CPLANE1: variants seen among roughly 807,000 people sequenced by gnomAD.
CPLANE1 encodes ciliogenesis and planar polarity effector complex subunit 1.
CPLANE1 carries 263 observed loss-of-function variants against 362.5 expected under a neutral mutation model. The observed-to-expected ratio is 0.73, with a 90% CI of 0.66 to 0.80. CPLANE1 has a LOEUF of 0.80. Among genes scored for constraint, CPLANE1 ranks in the 30% least tolerant of loss-of-function variants. CPLANE1 has a pLI of 0.00. For synonymous variants in CPLANE1, 1,212 were observed against 1,302.6 expected, an observed-to-expected ratio of 0.93 and a Z score of 1.50; for missense variants, 3,461 against 3,793.4, an observed-to-expected ratio of 0.91 and a Z score of 2.30.
chr5:37,160,247 T>C (rs1474583689), intron 38 of CPLANE1, among the ~76,000 whole-genome samples: 1 of 152,174 alleles, frequency 6.6e-6, no homozygotes, highest in Non-Finnish European at 1.5e-5. Flanking sequence ...CATGCTTAGA[T>C]AATGAACATT....
chr5:37,148,887 C>T (rs1043887876), intron 42 of CPLANE1, among the ~76,000 whole-genome samples: 3 of 151,980 alleles, frequency 2.0e-5, no homozygotes, highest in African/African-American at 7.2e-5. Context: ...CCCGTCTCTA[C>T]TAAAAATACA....
At chr5:37,213,838 C>G in intron 15 of CPLANE1, 106 bp from the exon 16 acceptor site, 1 of 838,810 alleles carries the variant, frequency 1.2e-6, no homozygotes, top group East Asian at 2.9e-5. Context: ...ACCTTTTTTT[C>G]TGAGATAAGC....
At chr5:37,123,913 A>C (rs950067907) in intron 47 of CPLANE1, among the ~76,000 whole-genome samples, 1 of 148,228 alleles carries the variant, frequency 6.7e-6, no homozygotes, top group Admixed American at 6.8e-5. Context: ...CCCATTCTAC[A>C]TTAGGCTAGG....
chr5:37,233,623 T>G (rs1173507237), intron 8 of CPLANE1, among the ~76,000 whole-genome samples: 1 of 151,900 alleles, frequency 6.6e-6, no homozygotes, highest in Non-Finnish European at 1.5e-5. Flanking sequence ...AACTCCAACA[T>G]GGACTACTTG....
In CPLANE1 at chr5:37,239,875, A is replaced by G; in HGVS notation, c.678-6T>C. On this transcript the variant is annotated splice_polypyrimidine_tract_variant and splice_region_variant and intron_variant, in intron 6 of 52. Coordinates refer to ENST00000651892, the MANE Select transcript of CPLANE1 (RefSeq NM_001384732.1). Reference sequence around the variant, plus strand: ...GAACATGGTATGGCAATGATCTAAAAAAGTAATGAAATAATTGAAAACAAA... The same window carrying G: ...GAACATGGTATGGCAATGATCTAAAGAAGTAATGAAATAATTGAAAACAAA... 6.9e-7 allele frequency: 1 copy of G among 1,451,768 alleles called. No individual in the cohort carries two copies. The highest frequency in any genetic ancestry group is 9.2e-7 in the Non-Finnish European group (1 of 1,091,206). 89.9% of individuals were successfully genotyped at this position (1,451,768 alleles called of 1,614,324 possible). A position where few individuals can be genotyped will look rare whatever the true frequency, so the allele number is the denominator to read the frequency against.
chr5:37,137,319 G>A (rs1478045880), intron 46 of CPLANE1, among the ~76,000 whole-genome samples: 2 of 152,280 alleles, frequency 1.3e-5, no homozygotes, highest in African/African-American at 2.4e-5. Context: ...ACCTCAGCCT[G>A]GACGTTATTG....
intron 16 of CPLANE1, among the ~76,000 whole-genome samples, chr5:37,213,170 T>A (rs910133734): frequency 6.6e-6 from 1 of 152,096 alleles, no homozygotes; most frequent in Non-Finnish European, 1.5e-5. Flanking sequence ...ATCACACCAT[T>A]GCACTCCACC....
chr5:37,142,705 G>T (rs1340096725), intron 43 of CPLANE1: 2 of 321,788 alleles, frequency 6.2e-6, no homozygotes, highest in Non-Finnish European at 1.1e-5. Context: ...AAGTACATAG[G>T]CCTATGCCCT....
rs546526891 is a variant in CPLANE1, at chr5:37,113,259, C to T, written c.9400+1701G>A. On this transcript the variant is annotated intron_variant, in intron 51 of 52. Transcript: ENST00000651892. ...ATTGAATCATGGGGGCAGTTACCTTCATGCTGCTGGTCTTGTGATAGTGAG... is the reference window on the plus strand; with the variant it reads ...ATTGAATCATGGGGGCAGTTACCTTTATGCTGCTGGTCTTGTGATAGTGAG... Among the ~76,000 whole-genome samples the T allele has an allele frequency of 9.2e-5, 14 of 152,296 alleles. No homozygotes were observed. The Middle Eastern group carries it at 0.01, about 111-fold the overall frequency.
chr5:37,206,697 A>T (rs1790853116), intron 16 of CPLANE1, among the ~76,000 whole-genome samples: 1 of 152,192 alleles, frequency 6.6e-6, no homozygotes, highest in Admixed American at 6.5e-5. Context: ...AGTATCAGAC[A>T]CAAAATAAAG....
At chr5:37,096,354 G>A in the CPLANE1 span, among the ~76,000 whole-genome samples, 3 of 152,178 alleles carry the variant, frequency 2.0e-5, no homozygotes, top group African/African-American at 2.4e-5. Context: ...CTAGTCACAT[G>A]TAGGAAAATG....
rs921198091 is a variant in CPLANE1, at chr5:37,107,175, C to T, written c.*427G>A. ...TTAAAATAGGGTTCATAATTGAGTT[C>T]TCAGGTGAGACTGATTTTCTTCTCA... On this transcript the variant is annotated 3_prime_UTR_variant, in exon 53 of 53. Transcript: ENST00000651892. The T allele has an allele frequency of 4.1e-6, 4 of 985,606 alleles. No homozygotes were observed. The East Asian group carries it at 3.4e-4, about 83-fold the overall frequency. 61.1% of individuals were successfully genotyped at this position (985,606 alleles called of 1,614,324 possible).
chr5:37,114,413 C>T (rs1760287418), intron 51 of CPLANE1, among the ~76,000 whole-genome samples: 1 of 152,118 alleles, frequency 6.6e-6, no homozygotes, highest in Non-Finnish European at 1.5e-5. Flanking sequence ...ACTATTATAA[C>T]TTGTATTTTC....
At chr5:37,148,606 A>C (rs1156650044) in intron 42 of CPLANE1, among the ~76,000 whole-genome samples, 1 of 152,256 alleles carries the variant, frequency 6.6e-6, no homozygotes. Flanking sequence ...TAACACGGTC[A>C]ACCCAGGTCT....
intron 21 of CPLANE1, among the ~76,000 whole-genome samples, chr5:37,190,031 T>C (rs1172457898): frequency 6.6e-6 from 1 of 151,924 alleles, no homozygotes; most frequent in East Asian, 1.9e-4. Flanking sequence ...GAAGAGTGCA[T>C]TGCACACAGT....
chr5:37,122,771 G>A (rs1039286726), intron 47 of CPLANE1, among the ~76,000 whole-genome samples: 9 of 152,076 alleles, frequency 5.9e-5, no homozygotes, highest in Non-Finnish European at 1.3e-4. Context: ...AAAATTAGCT[G>A]GGCATGTGGC....
chr5:37,162,620 G>T, intron 37 of CPLANE1, 54 bp from the exon 38 acceptor site: 1 of 1,255,880 alleles, frequency 8.0e-7, no homozygotes, highest in Non-Finnish European at 1.2e-6. Context: ...CAGATTACCA[G>T]GAGCCCAGCA....
At chr5:37,178,081 T>G (rs1210504687) in intron 29 of CPLANE1, among the ~76,000 whole-genome samples, 4 of 152,106 alleles carry the variant, frequency 2.6e-5, no homozygotes, top group Non-Finnish European at 5.9e-5. Flanking sequence ...CTACTTGAGG[T>G]CAGGAGCTCA....
At position 37,180,071 on chromosome 5, in the gene CPLANE1, C is replaced by G. The variant is rs767967950; in HGVS notation, c.5683G>C (p.Glu1895Gln). The stretch of plus-strand genomic sequence containing the variant: ...TCCTCTTCTGTAAATGCTTCTACTT[C>G]TAAAAGATTCTCATCAATATCTATA... ...EFIDIDENLLEVEAFTEEEMD... is the reference protein window; with the variant it reads ...EFIDIDENLLQVEAFTEEEMD... Residue 1895 changes from glutamate to glutamine, a missense_variant, in exon 28 of 53, where the codon GAA becomes CAA. This residue lies in a region of CPLANE1 where 3,380 missense variants were observed against 3,666.1 expected (regional missense o/e 0.92). Coordinates refer to ENST00000651892, the MANE Select transcript of CPLANE1 (RefSeq NM_001384732.1). 9.5e-6 allele frequency: 15 copies of G among 1,570,792 alleles called. No individual in the cohort carries two copies. The highest frequency in any genetic ancestry group is 5.5e-5 in the Admixed American group (3 of 54,292).
Sources: gnomAD v4.1 joint callset for allele counts (sites outside exome capture counted in the v4.1 genomes callset) on GRCh38, gnomAD v4.1.1 for gene constraint, gnomAD v4.1.1 regional missense constraint, MANE v1.5 for transcripts, NCBI Gene and HGNC (gene_info 2026-07-23, HGNC 2026-07-21) for gene names.